ANKS1B: variants seen among roughly 807,000 people sequenced by gnomAD.
ANKS1B encodes ankyrin repeat and sterile alpha motif domain containing 1B.
A neutral mutation model predicts 148.3 loss-of-function variants in ANKS1B; 36 were observed. That is an observed-to-expected ratio of 0.24 (90% CI 0.19 to 0.32). ANKS1B has a LOEUF of 0.32. Ranked by LOEUF, ANKS1B falls within the 10% of genes least tolerant of loss-of-function variation. The probability of loss-of-function intolerance (pLI) is 1.00; values close to 1 mark genes in which losing one functional copy is unlikely to be tolerated. For missense variants in ANKS1B, 1,157 were observed against 1,542.6 expected, an observed-to-expected ratio of 0.75 and a Z score of 4.19; for synonymous variants, 542 against 560.8, an observed-to-expected ratio of 0.97 and a Z score of 0.47.
At chr12:99,927,669 C>T (rs1379803535) in intron 1 of ANKS1B, among the ~76,000 whole-genome samples, 9 of 152,166 alleles carry the variant, frequency 5.9e-5, no homozygotes, top group African/African-American at 2.2e-4. Context: ...GTAATACCAG[C>T]ACTTTGGGAA....
At chr12:99,333,854 G>GTTTTTTTTTTTTTTTTTTTTTTT (rs10526476) in intron 12 of ANKS1B, among the ~76,000 whole-genome samples, 4 of 107,456 alleles carry the variant, frequency 3.7e-5, no homozygotes, top group African/African-American at 1.6e-4. Context: ...CCAGTTCTCA[G>GTTTTTTTTTTTTTTTTTTTTTTT]TTTTTTTTTT....
rs565470433 is a variant in ANKS1B, at chr12:98,895,758, A to G, written c.2779-63622T>C. Reference sequence around the variant, plus strand: ...AAGTTACCATTGTACTACTACCAACAGTTGTGGAAATTTACTTTGGCAAAG... The same window carrying G: ...AAGTTACCATTGTACTACTACCAACGGTTGTGGAAATTTACTTTGGCAAAG... On this transcript the variant is annotated intron_variant, in intron 17 of 26. Transcript: ENST00000683438. 3.9e-5 allele frequency among the ~76,000 whole-genome samples: 6 copies of G among 152,270 alleles called. No homozygotes were observed. The South Asian group carries it at 1.2e-3, about 32-fold the overall frequency.
intron 15 of ANKS1B, among the ~76,000 whole-genome samples, chr12:99,100,301 C>T (rs1267857920): frequency 6.6e-6 from 1 of 152,152 alleles, no homozygotes; most frequent in African/African-American, 2.4e-5. Flanking sequence ...CTGAACTTGC[C>T]TAGACTTCTG....
chr12:99,329,843 A>G lies in ANKS1B; in HGVS notation c.1756+69788T>C, dbSNP rs576524160. 1.4e-4 allele frequency among the ~76,000 whole-genome samples: 22 copies of G among 151,948 alleles called. 1 individual carries two copies. The East Asian group carries it at 3.7e-3, about 25-fold the overall frequency. ...TATGTTAAGGATATTAATATTTTAT[A>G]TTTGTGATGAACGTTTTTCAAAGAT... On this transcript the variant is annotated intron_variant, in intron 12 of 26. Coordinates refer to ENST00000683438, the MANE Select transcript of ANKS1B (RefSeq NM_001352186.2).
intron 12 of ANKS1B, among the ~76,000 whole-genome samples, chr12:99,306,427 T>G (rs763007010): frequency 1.3e-5 from 2 of 152,038 alleles, no homozygotes; most frequent in Non-Finnish European, 2.9e-5. Flanking sequence ...TTTTCTTGTG[T>G]GTCTCCCTAC....
At chr12:99,535,330 G>A (rs1219659620) in intron 9 of ANKS1B, among the ~76,000 whole-genome samples, 1 of 152,058 alleles carries the variant, frequency 6.6e-6, no homozygotes, top group Non-Finnish European at 1.5e-5. Context: ...CCCATGATTG[G>A]TCCACTCTTG....
intron 15 of ANKS1B, among the ~76,000 whole-genome samples, chr12:99,141,431 A>C (rs1410216086): frequency 8.0e-6 from 1 of 124,672 alleles, no homozygotes. Context: ...TTCAACTTTT[A>C]TTTTAAGTTC....
intron 1 of ANKS1B, among the ~76,000 whole-genome samples, chr12:99,966,506 G>A (rs1203194781): frequency 2.0e-5 from 3 of 152,172 alleles, no homozygotes; most frequent in Non-Finnish European, 4.4e-5. Flanking sequence ...TATGATGGGA[G>A]ATGAGAGCCA....
chr12:99,551,520 AAGGAG>A (rs2097217386), intron 9 of ANKS1B, among the ~76,000 whole-genome samples: 3 of 100,188 alleles, frequency 3.0e-5, no homozygotes, highest in South Asian at 4.3e-4. Flanking sequence ...GTTGGAAGGA[AAGGAG>A]AGGAGAGGGG....
chr12:99,688,576 C>G (rs975920368), intron 8 of ANKS1B, among the ~76,000 whole-genome samples: 3 of 152,112 alleles, frequency 2.0e-5, no homozygotes, highest in African/African-American at 4.8e-5. Context: ...GTGTCTCAAG[C>G]CTGTAATCCT....
intron 10 of ANKS1B, among the ~76,000 whole-genome samples, chr12:99,463,567 A>C (rs2096028927): frequency 6.6e-6 from 1 of 152,166 alleles, no homozygotes; most frequent in South Asian, 2.1e-4. Context: ...GGCACCTGGA[A>C]AATCAGGTCA....
intron 8 of ANKS1B, among the ~76,000 whole-genome samples, chr12:99,759,794 G>A (rs956133505): frequency 6.6e-6 from 1 of 151,944 alleles, no homozygotes; most frequent in Non-Finnish European, 1.5e-5. Context: ...TATCCAGAAT[G>A]TGAGGTTAAA....
intron 15 of ANKS1B, chr12:99,105,086 G>A (rs2058843961): frequency 6.6e-6 from 1 of 152,220 alleles, no homozygotes. Context: ...GACATAAAGT[G>A]CTAGATCCAT....
In ANKS1B at chr12:98,773,164, G is replaced by A; in HGVS notation, c.3457C>T (p.His1153Tyr). The A allele has an allele frequency of 6.2e-7, 1 of 1,609,794 alleles. No homozygotes were observed. The highest frequency in any genetic ancestry group is 8.5e-7 in the Non-Finnish European group (1 of 1,178,390). Residue 1153 changes from histidine to tyrosine, a missense_variant, in exon 25 of 27, where the codon CAT (histidine) becomes TAT (tyrosine). By Grantham distance (83) the His-to-Tyr change is moderately conservative (BLOSUM62 2). Transcript: ENST00000683438. Reference sequence around the variant, plus strand: ...GCACAGGAGATATTACGAATTTCATGCTCAGCAATTATGTTCTGGAAGAAA... The same window carrying A: ...GCACAGGAGATATTACGAATTTCATACTCAGCAATTATGTTCTGGAAGAAA... ...DATNKNIIAE[H>Y]EIRNISCAAQ...
At position 98,962,048 on chromosome 12, in the gene ANKS1B, T is replaced by C. The variant is rs527542283; in HGVS notation, c.2778+91109A>G. On this transcript the variant is annotated intron_variant, in intron 17 of 26. Transcript: ENST00000683438. ...CCGCAAAACAACCAGGAAACAAATA[T>C]CAAAATGGCAGGAGTAAGTCCTTAC... 3.3e-5 allele frequency among the ~76,000 whole-genome samples: 5 copies of C among 150,428 alleles called. No homozygotes were observed. In the South Asian group the frequency reaches 1.1e-3, roughly 32 times the overall value.
intron 10 of ANKS1B, among the ~76,000 whole-genome samples, chr12:99,494,308 G>A (rs2096581862): frequency 6.6e-6 from 1 of 152,160 alleles, no homozygotes; most frequent in Non-Finnish European, 1.5e-5. Context: ...CATATTGAGA[G>A]CACGGGAATA....
intron 9 of ANKS1B, among the ~76,000 whole-genome samples, chr12:99,564,778 A>C (rs1044494928): frequency 6.6e-6 from 1 of 152,258 alleles, no homozygotes; most frequent in East Asian, 1.9e-4. Flanking sequence ...CCTTGTTGCT[A>C]TATCTTGAAA....
chr12:99,648,594 G>A (rs540445182), intron 9 of ANKS1B: 2 of 1,614,218 alleles, frequency 1.2e-6, no homozygotes, highest in African/African-American at 2.7e-5. Flanking sequence ...AGCTCCACCT[G>A]AAGCTTGCCA....
At chr12:99,819,518 C>A (rs1377471038) in intron 2 of ANKS1B, among the ~76,000 whole-genome samples, 1 of 151,440 alleles carries the variant, frequency 6.6e-6, no homozygotes, top group Non-Finnish European at 1.5e-5. Context: ...ATAATGAGAT[C>A]TAGCATGCAT....
Sources: allele counts gnomAD v4.1 joint callset (sites outside exome capture counted in the v4.1 genomes callset), GRCh38; gene constraint gnomAD v4.1.1; transcripts MANE v1.5; gene names NCBI Gene and HGNC (gene_info 2026-07-23, HGNC 2026-07-21).